Variants in OR9Q1 observed in about 807,000 individuals in gnomAD.
The protein encoded by OR9Q1 is olfactory receptor family 9 subfamily Q member 1.
For missense variants in OR9Q1, 374 were observed against 378.8 expected (o/e 0.99, Z 0.11); for synonymous variants, 153 against 148.6 (o/e 1.03, Z -0.22).
At chr11:58,063,707 T>G (rs1312116329) in intron 2 of OR9Q1, among the ~76,000 whole-genome samples, 3 of 152,018 alleles carry the variant, frequency 2.0e-5, no homozygotes, top group Admixed American at 1.3e-4. Context: ...ATTTAATTTT[T>G]GGGGGGGTGA....
intron 2 of OR9Q1, among the ~76,000 whole-genome samples, chr11:58,076,709 A>G (rs1853541920): frequency 6.6e-6 from 1 of 151,524 alleles, no homozygotes; most frequent in Admixed American, 6.6e-5. Flanking sequence ...CTGGTCTTGA[A>G]CTCTTGGGCT....
intron 2 of OR9Q1, among the ~76,000 whole-genome samples, chr11:58,091,835 C>T (rs933879192): frequency 1.3e-5 from 2 of 152,244 alleles, no homozygotes; most frequent in South Asian, 2.1e-4. Context: ...GTATTGGGTG[C>T]ATATATGTAT....
intron 2 of OR9Q1, among the ~76,000 whole-genome samples, chr11:58,086,417 TGA>T (rs1221187945): frequency 9.2e-5 from 14 of 151,882 alleles, no homozygotes; most frequent in African/African-American, 2.9e-4. Flanking sequence ...GTAACGTAAA[TGA>T]ATACAGCCAT....
At chr11:58,106,043 C>T (rs989136025) in intron 2 of OR9Q1, among the ~76,000 whole-genome samples, 2 of 152,058 alleles carry the variant, frequency 1.3e-5, no homozygotes, top group Non-Finnish European at 2.9e-5. Flanking sequence ...AAACTCTCTA[C>T]TGTTTCCCAT....
chr11:58,179,040 G>A (rs1854634153), intron 2 of OR9Q1, among the ~76,000 whole-genome samples: 1 of 149,154 alleles, frequency 6.7e-6, no homozygotes, highest in Non-Finnish European at 1.5e-5. Context: ...GAGAGAGACA[G>A]GCTCTCACTC....
intron 2 of OR9Q1, among the ~76,000 whole-genome samples, chr11:58,122,021 C>CT (rs1304683678): frequency 8.5e-5 from 13 of 152,102 alleles, no homozygotes; most frequent in African/African-American, 3.1e-4. Context: ...CATGGGATCC[C>CT]TTTTTTTACT....
At chr11:58,151,257 A>G (rs1854348913) in intron 2 of OR9Q1, among the ~76,000 whole-genome samples, 1 of 152,190 alleles carries the variant, frequency 6.6e-6, no homozygotes, top group African/African-American at 2.4e-5. Context: ...AAGAGCTCTC[A>G]TACTCATTTT....
chr11:58,112,991 A>G (rs1853917216), intron 2 of OR9Q1, among the ~76,000 whole-genome samples: 1 of 152,086 alleles, frequency 6.6e-6, no homozygotes, highest in South Asian at 2.1e-4. Context: ...ACAGAACCCT[A>G]GAGTTGGAGA....
At chr11:58,047,462 G>A (rs550244829) in intron 1 of OR9Q1, 5 of 152,292 alleles carry the variant, frequency 3.3e-5, no homozygotes, top group Admixed American at 6.5e-5. Flanking sequence ...AATGTCAAAC[G>A]TTGTCAGCAC....
intron 2 of OR9Q1, among the ~76,000 whole-genome samples, chr11:58,066,199 G>A (rs890014521): frequency 6.6e-6 from 1 of 150,862 alleles, no homozygotes; most frequent in Non-Finnish European, 1.5e-5. Flanking sequence ...GCTGGAACTT[G>A]ACTTCTGTCT....
intron 2 of OR9Q1, among the ~76,000 whole-genome samples, chr11:58,107,275 A>G (rs190391019): frequency 4.7e-4 from 71 of 152,160 alleles, no homozygotes; most frequent in African/African-American, 1.4e-3. Context: ...CCCCCACCCA[A>G]TGACAGGCTC....
intron 2 of OR9Q1, among the ~76,000 whole-genome samples, chr11:58,069,925 C>T (rs1198223654): frequency 2.6e-5 from 4 of 152,132 alleles, no homozygotes; most frequent in African/African-American, 9.6e-5. Context: ...ACCTCTCTCT[C>T]CAAACTCTGG....
At chr11:58,125,586 A>G (rs1854083375) in intron 2 of OR9Q1, 1 of 152,168 alleles carries the variant, frequency 6.6e-6, no homozygotes, top group Non-Finnish European at 1.5e-5. Flanking sequence ...CCAGTGGGAT[A>G]TTTAAATTGC....
At chr11:58,175,967 T>A (rs540646004) in intron 2 of OR9Q1, among the ~76,000 whole-genome samples, 4 of 152,120 alleles carry the variant, frequency 2.6e-5, no homozygotes, top group Non-Finnish European at 5.9e-5. Context: ...CTGAGCAACA[T>A]CCCAGGCTTT....
intron 2 of OR9Q1, among the ~76,000 whole-genome samples, chr11:58,105,321 T>C (rs1249587175): frequency 6.6e-6 from 1 of 152,194 alleles, no homozygotes; most frequent in Non-Finnish European, 1.5e-5. Context: ...GAAGCAGCAA[T>C]TAATTTATAC....
chr11:58,119,146 T>C (rs1457673055), intron 2 of OR9Q1: 1 of 1,613,970 alleles, frequency 6.2e-7, no homozygotes, highest in Non-Finnish European at 8.5e-7. Flanking sequence ...TAAAAAGAAC[T>C]GGGCAGCACA....
intron 2 of OR9Q1, among the ~76,000 whole-genome samples, chr11:58,119,745 G>T (rs1300932432): frequency 2.6e-5 from 4 of 152,132 alleles, no homozygotes; most frequent in Non-Finnish European, 4.4e-5. Flanking sequence ...GACAGTATCT[G>T]TTCCAGTCCC....
intron 1 of OR9Q1, among the ~76,000 whole-genome samples, chr11:58,054,498 C>G (rs1225660714): frequency 6.6e-6 from 1 of 152,194 alleles, no homozygotes; most frequent in Non-Finnish European, 1.5e-5. Context: ...ACTCTTTCAA[C>G]TACAATATAA....
chr11:58,143,766 A>G (rs1193917010), intron 2 of OR9Q1, among the ~76,000 whole-genome samples: 1 of 152,112 alleles, frequency 6.6e-6, no homozygotes, highest in Non-Finnish European at 1.5e-5. Context: ...CTTAATACCT[A>G]GGTGATGGGT....
Sources: gnomAD v4.1 joint callset for allele counts (sites outside exome capture counted in the v4.1 genomes callset) on GRCh38, gnomAD v4.1.1 for gene constraint, MANE v1.5 for transcripts, NCBI Gene and HGNC (gene_info 2026-07-23, HGNC 2026-07-21) for gene names.